IL1RAPL1: variants seen among roughly 807,000 people sequenced by gnomAD.
IL1RAPL1 encodes interleukin-1 receptor accessory protein-like 1.
IL1RAPL1 carries 3 observed loss-of-function variants against 48.4 expected under a neutral mutation model. That is an observed-to-expected ratio of 0.06 (90% CI 0.03 to 0.16). The LOEUF (loss-of-function observed/expected upper bound fraction) is 0.16. Ranked by LOEUF, IL1RAPL1 falls within the 10% of genes least tolerant of loss-of-function variation. IL1RAPL1 has a pLI of 1.00. For synonymous variants in IL1RAPL1, 185 were observed against 187.7 expected (o/e 0.99, Z 0.12); for missense variants, 349 against 530.6 (o/e 0.66, Z 3.36).
chrX:29,700,131 T>C (rs1309608885), intron 6 of IL1RAPL1, among the ~76,000 whole-genome samples: 2 of 111,416 alleles, frequency 1.8e-5, no homozygotes, highest in Non-Finnish European at 3.8e-5. Flanking sequence ...TAAAATCCTA[T>C]TGAATGAAAA....
At chrX:29,884,421 C>T (rs1188686160) in intron 6 of IL1RAPL1, among the ~76,000 whole-genome samples, 2 of 110,480 alleles carry the variant, frequency 1.8e-5, no homozygotes, top group African/African-American at 3.3e-5. Context: ...GCTCCCAGGA[C>T]ACCACATTCT....
At chrX:29,004,654 C>T (rs1327630101) in intron 2 of IL1RAPL1, among the ~76,000 whole-genome samples, 1 of 111,872 alleles carries the variant, frequency 8.9e-6, no homozygotes, top group Non-Finnish European at 1.9e-5. Flanking sequence ...AGAATTCTTA[C>T]AAATTTCATC....
chrX:29,239,803 A>C (rs990040445), intron 2 of IL1RAPL1, among the ~76,000 whole-genome samples: 5 of 109,836 alleles, frequency 4.6e-5, no homozygotes, highest in African/African-American at 1.3e-4. Flanking sequence ...TTCTTCTTCT[A>C]ATGTGGCCAG....
chrX:29,205,726 ATTTTT>A (rs374469921), intron 2 of IL1RAPL1, among the ~76,000 whole-genome samples: 42,396 of 107,065 alleles, frequency 0.4, 7,578 homozygotes, highest in Non-Finnish European at 0.55. Context: ...ATTTTATTTT[ATTTTT>A]TTTATTATTA....
intron 5 of IL1RAPL1, among the ~76,000 whole-genome samples, chrX:29,644,552 T>A (rs1925265900): frequency 4.7e-5 from 5 of 107,247 alleles, no homozygotes; most frequent in Admixed American, 2.0e-4. Flanking sequence ...ATGTGTTTTT[T>A]TTTTTGTTTT....
intron 2 of IL1RAPL1, among the ~76,000 whole-genome samples, chrX:28,919,280 A>G (rs1181827832): frequency 3.6e-5 from 4 of 111,885 alleles, no homozygotes; most frequent in Non-Finnish European, 3.8e-5. Flanking sequence ...TGTTCACTTA[A>G]TGCTACTCTG....
At chrX:28,692,602 A>G (rs1935190618) in intron 1 of IL1RAPL1, among the ~76,000 whole-genome samples, 1 of 112,025 alleles carries the variant, frequency 8.9e-6, no homozygotes, top group Non-Finnish European at 1.9e-5. Context: ...TTGTCAAAAA[A>G]TTATTAAGTA....
chrX:29,042,275 T>C (rs1335005834), intron 2 of IL1RAPL1, among the ~76,000 whole-genome samples: 1 of 111,727 alleles, frequency 9.0e-6, no homozygotes, highest in Non-Finnish European at 1.9e-5. Flanking sequence ...AAGATTTCCT[T>C]TCACTTGTTT....
chrX:29,016,113 C>A (rs187735027), intron 2 of IL1RAPL1, among the ~76,000 whole-genome samples: 22 of 111,482 alleles, frequency 2.0e-4, no homozygotes, highest in Non-Finnish European at 3.2e-4. Context: ...CTAGGAAGAT[C>A]AAAATGGCTA....
At chrX:29,203,540 G>C (rs2147535617) in intron 2 of IL1RAPL1, among the ~76,000 whole-genome samples, 1 of 108,874 alleles carries the variant, frequency 9.2e-6, no homozygotes, top group African/African-American at 3.4e-5. Flanking sequence ...GACCAACATG[G>C]AGAAACCCCG....
At chrX:29,735,696 G>A (rs1197551599) in intron 6 of IL1RAPL1, among the ~76,000 whole-genome samples, 2 of 111,850 alleles carry the variant, frequency 1.8e-5, no homozygotes, top group Non-Finnish European at 3.8e-5. Flanking sequence ...GCAGAGAAAG[G>A]GTTGATGGGG....
chrX:28,913,640 A>G (rs1339146057), intron 2 of IL1RAPL1, among the ~76,000 whole-genome samples: 1 of 111,571 alleles, frequency 9.0e-6, no homozygotes, highest in Non-Finnish European at 1.9e-5. Flanking sequence ...GCAATGAGCT[A>G]TGATTGCATC....
chrX:29,248,440 A>G (rs138709552), intron 2 of IL1RAPL1, among the ~76,000 whole-genome samples: 2 of 111,770 alleles, frequency 1.8e-5, no homozygotes, highest in East Asian at 2.8e-4. Context: ...AGAAAAAAGA[A>G]AGTGTTATAC....
intron 2 of IL1RAPL1, among the ~76,000 whole-genome samples, chrX:28,933,149 TAC>T (rs1923929694): frequency 1.8e-5 from 2 of 112,246 alleles, no homozygotes; most frequent in African/African-American, 6.5e-5. Context: ...TCTTTATGTA[TAC>T]ACTGTAGACA....
intron 6 of IL1RAPL1, among the ~76,000 whole-genome samples, chrX:29,675,275 A>G (rs1430209766): frequency 8.9e-6 from 1 of 112,427 alleles, no homozygotes; most frequent in Non-Finnish European, 1.9e-5. Flanking sequence ...TGGGACAGAG[A>G]CAAGTGAGTT....
At chrX:29,429,454 T>G (rs888135331) in intron 5 of IL1RAPL1, among the ~76,000 whole-genome samples, 4 of 112,427 alleles carry the variant, frequency 3.6e-5, no homozygotes, top group African/African-American at 1.3e-4. Flanking sequence ...CTTCTGTAGC[T>G]TGGTATTTCC....
At chrX:29,935,127 A>C (rs142116557) in intron 8 of IL1RAPL1, among the ~76,000 whole-genome samples, 1,173 of 110,166 alleles carry the variant, frequency 0.011, 18 homozygotes, top group African/African-American at 0.036. Flanking sequence ...TCTGGCTATA[A>C]TACTACTTAA....
intron 2 of IL1RAPL1, among the ~76,000 whole-genome samples, chrX:29,280,377 A>AT (rs1054601854): frequency 9.0e-6 from 1 of 111,512 alleles, no homozygotes; most frequent in Non-Finnish European, 1.9e-5. Flanking sequence ...TTTTGTAAAA[A>AT]TTTTAAACCC....
chrX:28,764,405 A>G (rs1936211515), intron 1 of IL1RAPL1, among the ~76,000 whole-genome samples: 1 of 111,763 alleles, frequency 8.9e-6, no homozygotes, highest in Non-Finnish European at 1.9e-5. Context: ...TGCTAGAATT[A>G]TTTTAAAAAA....
Sources: allele counts gnomAD v4.1 joint callset (sites outside exome capture counted in the v4.1 genomes callset), GRCh38; gene constraint gnomAD v4.1.1; transcripts MANE v1.5; gene names NCBI Gene and HGNC (gene_info 2026-07-23, HGNC 2026-07-21).